The following LHFPL2 variants were observed in gnomAD, a reference collection of about 807,000 sequenced individuals.
LHFPL2 encodes LHFPL tetraspan subfamily member 2, also known as LHFPL tetraspan subfamily member 2 protein.
LHFPL2 carries 7 observed loss-of-function variants against 17.5 expected under a neutral mutation model. That is an observed-to-expected ratio of 0.40 (90% CI 0.23 to 0.75). LHFPL2 has a LOEUF of 0.75. Among genes scored for constraint, LHFPL2 ranks in the 30% least tolerant of loss-of-function variants. LHFPL2 has a pLI of 0.37. For synonymous variants in LHFPL2, 134 were observed against 116.2 expected, an observed-to-expected ratio of 1.15 and a Z score of -0.99; for missense variants, 241 against 294.8, an observed-to-expected ratio of 0.82 and a Z score of 1.34.
chr5:78,636,028 A>AC (rs1745438859), intron 1 of LHFPL2, among the ~76,000 whole-genome samples: 1 of 152,044 alleles, frequency 6.6e-6, no homozygotes, highest in African/African-American at 2.4e-5. Flanking sequence ...ACGCGCACAC[A>AC]AACACCAATT....
At chr5:78,623,072 C>T (rs1188247793) in intron 2 of LHFPL2, among the ~76,000 whole-genome samples, 1 of 152,220 alleles carries the variant, frequency 6.6e-6, no homozygotes, top group East Asian at 1.9e-4. Flanking sequence ...ATTTCTCTGA[C>T]TTGCATTGTA....
intron 3 of LHFPL2, among the ~76,000 whole-genome samples, chr5:78,549,303 G>C (rs1756373739): frequency 6.6e-6 from 1 of 152,352 alleles, no homozygotes; most frequent in Non-Finnish European, 1.5e-5. Flanking sequence ...CTTTGAGGCT[G>C]AGACTCTAGA....
intron 2 of LHFPL2, among the ~76,000 whole-genome samples, chr5:78,588,581 T>C (rs1186094069): frequency 1.3e-5 from 2 of 152,212 alleles, no homozygotes; most frequent in African/African-American, 4.8e-5. Context: ...CATAGAAGTG[T>C]TCTTCAAAGG....
At chr5:78,540,613 C>G (rs780578471) in intron 3 of LHFPL2, among the ~76,000 whole-genome samples, 1 of 152,180 alleles carries the variant, frequency 6.6e-6, no homozygotes, top group Non-Finnish European at 1.5e-5. Context: ...CGGAGAGATG[C>G]GTGGGAGAAT....
At chr5:78,578,429 G>C (rs754120183) in intron 2 of LHFPL2, among the ~76,000 whole-genome samples, 43 of 152,120 alleles carry the variant, frequency 2.8e-4, no homozygotes, top group Non-Finnish European at 1.3e-4. Context: ...GGGGGTTTTG[G>C]GGAGTTTTGG....
At chr5:78,517,497 T>C (rs1755327373) in intron 3 of LHFPL2, among the ~76,000 whole-genome samples, 1 of 152,172 alleles carries the variant, frequency 6.6e-6, no homozygotes, top group African/African-American at 2.4e-5. Flanking sequence ...GGGTAATTTA[T>C]AAAGGAAAGA....
rs991015805 is a variant in LHFPL2 at position 78,526,866 on chromosome 5, C to T, written c.-185-16468G>A. On this transcript the variant is annotated intron_variant, in intron 3 of 4. Transcript: ENST00000380345. ...CCCAACATCCAATCAAAGACATCACCATGGCGTCGCTTTCCCGGGGAATTT... is the reference window on the plus strand; with the variant it reads ...CCCAACATCCAATCAAAGACATCACTATGGCGTCGCTTTCCCGGGGAATTT... Among the ~76,000 whole-genome samples, 12 of 152,154 alleles carry T rather than the reference C, an allele frequency of 7.9e-5. No homozygotes were observed. In the South Asian group the frequency reaches 1.4e-3, roughly 18 times the overall value.
intron 2 of LHFPL2, among the ~76,000 whole-genome samples, chr5:78,565,527 A>G (rs1360780338): frequency 6.6e-6 from 1 of 152,256 alleles, no homozygotes; most frequent in Non-Finnish European, 1.5e-5. Flanking sequence ...CATTCACAAA[A>G]CAGAGAATCC....
chr5:78,580,560 A>G (rs934509528), intron 2 of LHFPL2, among the ~76,000 whole-genome samples: 9 of 150,212 alleles, frequency 6.0e-5, no homozygotes, highest in Admixed American at 1.3e-4. Flanking sequence ...AGCTTTCTAC[A>G]TATGGCTAGC....
At chr5:78,647,778 C>G (rs1051305684) in intron 1 of LHFPL2, among the ~76,000 whole-genome samples, 2 of 152,014 alleles carry the variant, frequency 1.3e-5, no homozygotes, top group African/African-American at 4.8e-5. Flanking sequence ...GAAGAAAATC[C>G]TTTGCTTTTC....
intron 2 of LHFPL2, among the ~76,000 whole-genome samples, chr5:78,620,997 T>C (rs902733496): frequency 6.6e-6 from 1 of 151,706 alleles, no homozygotes; most frequent in Non-Finnish European, 1.5e-5. Context: ...AGATGGAGTC[T>C]TGCTCTGTCA....
chr5:78,518,045 C>T (rs565842684), intron 3 of LHFPL2, among the ~76,000 whole-genome samples: 50 of 152,286 alleles, frequency 3.3e-4, no homozygotes, highest in African/African-American at 1.2e-3. Flanking sequence ...ATGCCATAAG[C>T]CGGGGCCATA....
intron 2 of LHFPL2, among the ~76,000 whole-genome samples, chr5:78,588,881 C>A (rs1290202681): frequency 6.6e-6 from 1 of 152,196 alleles, no homozygotes; most frequent in East Asian, 1.9e-4. Context: ...ATCCTGTGTT[C>A]TTGTTTCATC....
At chr5:78,528,056 T>C (rs1389463553) in intron 3 of LHFPL2, among the ~76,000 whole-genome samples, 2 of 152,230 alleles carry the variant, frequency 1.3e-5, no homozygotes, top group East Asian at 1.9e-4. Flanking sequence ...AAATTGGATC[T>C]CTCTTTGGCT....
chr5:78,537,756 C>T (rs1234852122), intron 3 of LHFPL2, among the ~76,000 whole-genome samples: 3 of 152,198 alleles, frequency 2.0e-5, no homozygotes, highest in Non-Finnish European at 4.4e-5. Flanking sequence ...CTTTATCCCA[C>T]CCAAGTTGAA....
chr5:78,646,681 T>C (rs75364082), intron 1 of LHFPL2, among the ~76,000 whole-genome samples: 1,748 of 152,304 alleles, frequency 0.011, 35 homozygotes, highest in African/African-American at 0.04. Context: ...TTTTTATATA[T>C]TGTTTTTCTA....
chr5:78,510,378 G>C lies in LHFPL2; in HGVS notation c.-165C>G. On this transcript the variant is annotated 5_prime_UTR_variant, in exon 4 of 5. Transcript: ENST00000380345. ...GCTGGGGACAGCGCTCCCGGACCCAGAGCACCGCCTGCGGCCTCACCTAGG... is the reference window on the plus strand; with the variant it reads ...GCTGGGGACAGCGCTCCCGGACCCACAGCACCGCCTGCGGCCTCACCTAGG... The C allele has an allele frequency of 1.4e-6, 1 of 698,914 alleles. No homozygotes were observed. The highest frequency in any genetic ancestry group is 2.3e-6 in the Non-Finnish European group (1 of 430,024). 43.3% of individuals were successfully genotyped at this position (698,914 alleles called of 1,614,324 possible).
At chr5:78,520,605 G>C (rs923120850) in intron 3 of LHFPL2, among the ~76,000 whole-genome samples, 1 of 152,230 alleles carries the variant, frequency 6.6e-6, no homozygotes, top group African/African-American at 2.4e-5. Context: ...GAATGGCAAC[G>C]GACAGCCGTG....
rs147158623 is a variant in LHFPL2, at chr5:78,599,122, G to A, written c.-245+33142C>T. Reference sequence around the variant, plus strand: ...CCAGTCCTACTCATCTCCAGCCCTTGCTTGGCTCAGCCGTACTGTTTTATC... The same window carrying A: ...CCAGTCCTACTCATCTCCAGCCCTTACTTGGCTCAGCCGTACTGTTTTATC... On this transcript the variant is annotated intron_variant, in intron 2 of 4. Coordinates refer to ENST00000380345, the MANE Select transcript of LHFPL2 (RefSeq NM_005779.3). 4.9e-4 allele frequency among the ~76,000 whole-genome samples: 74 copies of A among 152,204 alleles called. No individual in the cohort carries two copies. The East Asian group carries it at 0.014, about 29-fold the overall frequency.
Sources: gnomAD v4.1 joint callset for allele counts (sites outside exome capture counted in the v4.1 genomes callset) on GRCh38, gnomAD v4.1.1 for gene constraint, MANE v1.5 for transcripts, NCBI Gene and HGNC (gene_info 2026-07-23, HGNC 2026-07-21) for gene names.